The following SATB2 variants were observed in gnomAD, a reference collection of about 807,000 sequenced individuals.
The protein encoded by SATB2 is DNA-binding protein SATB2.
Under a neutral mutation model 73.4 loss-of-function variants are expected in SATB2, and 1 was observed. That is an observed-to-expected ratio of 0.01 (90% CI 0.00 to 0.06). The LOEUF is 0.06. Ranked by LOEUF, SATB2 falls within the 10% of genes least tolerant of loss-of-function variation. The pLI, the probability that SATB2 is intolerant of heterozygous loss-of-function variation, is 1.00. For synonymous variants in SATB2, 397 were observed against 367.0 expected (o/e 1.08, Z -0.93); for missense variants, 459 against 945.8 (o/e 0.49, Z 6.75).
intron 10 of SATB2, among the ~76,000 whole-genome samples, chr2:199,301,862 T>G (rs964791374): frequency 2.0e-5 from 3 of 152,052 alleles, no homozygotes; most frequent in Non-Finnish European, 4.4e-5. Context: ...TGGAAAGAAG[T>G]TGACATGAGA....
At chr2:199,446,658 G>A (rs1438290159) in intron 2 of SATB2, among the ~76,000 whole-genome samples, 1 of 152,146 alleles carries the variant, frequency 6.6e-6, no homozygotes, top group African/African-American at 2.4e-5. Flanking sequence ...ACACTGTTAG[G>A]TTACGCAAAT....
At chr2:199,327,479 G>C (rs1307504911) in intron 8 of SATB2, among the ~76,000 whole-genome samples, 3 of 152,122 alleles carry the variant, frequency 2.0e-5, no homozygotes, top group African/African-American at 7.2e-5. Context: ...TTAAATACTG[G>C]TTTTGAGAAT....
intron 7 of SATB2, among the ~76,000 whole-genome samples, chr2:199,342,756 G>A (rs1261805475): frequency 6.6e-6 from 1 of 152,132 alleles, no homozygotes; most frequent in Non-Finnish European, 1.5e-5. Context: ...TCTGACTCCA[G>A]CAGATGCCAT....
chr2:199,340,363 A>T (rs1002994189), intron 7 of SATB2, among the ~76,000 whole-genome samples: 3 of 152,180 alleles, frequency 2.0e-5, no homozygotes, highest in Non-Finnish European at 4.4e-5. Flanking sequence ...AGCTTTCCCA[A>T]GCAAGGCCTT....
At chr2:199,312,325 T>C (rs570452958) in intron 9 of SATB2, among the ~76,000 whole-genome samples, 8 of 152,326 alleles carry the variant, frequency 5.3e-5, no homozygotes, top group Middle Eastern at 6.8e-3. Context: ...CTGTGGAGTA[T>C]ATGCTTCCCT....
chr2:199,419,163 A>G (rs1309752682), intron 3 of SATB2, among the ~76,000 whole-genome samples: 3 of 152,254 alleles, frequency 2.0e-5, no homozygotes, highest in Non-Finnish European at 4.4e-5. Context: ...GCTTAGGGAC[A>G]CAGGTCCTTT....
rs1692306927 is a variant in SATB2, at chr2:199,457,171, G to T, written c.-60+168C>A. Among the ~76,000 whole-genome samples the T allele has an allele frequency of 6.6e-6, 1 of 152,232 alleles. No individual in the cohort carries two copies. Among genetic ancestry groups the T allele is most frequent in the Non-Finnish European group, 1.5e-5 (1 of 68,034 alleles). On this transcript the variant is annotated intron_variant, in intron 1 of 10. Coordinates refer to ENST00000417098, the MANE Select transcript of SATB2 (RefSeq NM_001172509.2). The surrounding 1 kb of genome is among the most constrained non-coding windows in gnomAD (Gnocchi z 4.8). ...GGGTGGCAGGGGGAGGTGAAAGGAA[G>T]GATGCGAGATGAAGACACGGAGCAG...
chr2:199,374,292 T>C (rs2105857629), intron 5 of SATB2, among the ~76,000 whole-genome samples: 1 of 152,270 alleles, frequency 6.6e-6, no homozygotes, highest in East Asian at 1.9e-4. Context: ...ACACGCTAAG[T>C]AAAGTAAACC....
At chr2:199,330,640 G>A (rs147115925) in intron 7 of SATB2, among the ~76,000 whole-genome samples, 3 of 152,220 alleles carry the variant, frequency 2.0e-5, no homozygotes, top group Non-Finnish European at 4.4e-5. Context: ...TCTAAGTATC[G>A]ACTCTCTGAA....
intron 2 of SATB2, among the ~76,000 whole-genome samples, chr2:199,446,254 G>C (rs1691959047): frequency 6.6e-6 from 1 of 152,114 alleles, no homozygotes; most frequent in African/African-American, 2.4e-5. Context: ...GGGTTTTCTT[G>C]TATACAGGGG....
chr2:199,349,148 A>G lies in SATB2; in HGVS notation c.726T>C (p.Leu242=). ...IKVERVEREN[L]SDYCVLGQRP... ...GCTGGCCCAGAACACAATAGTCTGA[A>G]AGGTTTTCTCGTTCCACTCTTTCCA... Residue 242 remains leucine (L), a synonymous_variant, in exon 7 of 11, where the codon CTT becomes CTC. Coordinates refer to ENST00000417098, the MANE Select transcript of SATB2 (RefSeq NM_001172509.2). 3.7e-6 allele frequency: 6 copies of G among 1,613,716 alleles called. No individual in the cohort carries two copies. The highest frequency in any genetic ancestry group is 5.1e-6 in the Non-Finnish European group (6 of 1,179,834).
At chr2:199,384,350 A>G (rs1388401447) in intron 3 of SATB2, among the ~76,000 whole-genome samples, 1 of 152,232 alleles carries the variant, frequency 6.6e-6, no homozygotes, top group African/African-American at 2.4e-5. Flanking sequence ...GCACAGTCCT[A>G]GAAGTCATGG....
At chr2:199,424,682 T>G (rs1000750884) in intron 3 of SATB2, among the ~76,000 whole-genome samples, 2 of 152,144 alleles carry the variant, frequency 1.3e-5, no homozygotes, top group African/African-American at 4.8e-5. Flanking sequence ...AAGATTCAGA[T>G]GATGAGAAAT....
chr2:199,309,747 G>A (rs755953063), intron 9 of SATB2, among the ~76,000 whole-genome samples: 2 of 152,184 alleles, frequency 1.3e-5, no homozygotes, highest in Admixed American at 6.5e-5. Context: ...TATTTTACCA[G>A]TAGCTTTCTA....
intron 6 of SATB2, among the ~76,000 whole-genome samples, chr2:199,354,380 C>T (rs1485670192): frequency 6.6e-6 from 1 of 151,908 alleles, no homozygotes; most frequent in African/African-American, 2.4e-5. Flanking sequence ...AAATAAATAA[C>T]TCACAACTGC....
chr2:199,379,365 A>G (rs1463198845), intron 5 of SATB2, among the ~76,000 whole-genome samples: 1 of 152,226 alleles, frequency 6.6e-6, no homozygotes, highest in Non-Finnish European at 1.5e-5. Flanking sequence ...CTACAAATGT[A>G]TATGATGTAA....
chr2:199,343,469 T>C (rs1688564407), intron 7 of SATB2, among the ~76,000 whole-genome samples: 1 of 152,234 alleles, frequency 6.6e-6, no homozygotes, highest in Non-Finnish European at 1.5e-5. Context: ...GGAAAATCTA[T>C]GGTTGGTTTC....
intron 3 of SATB2, among the ~76,000 whole-genome samples, chr2:199,405,492 G>A (rs1690603778): frequency 6.6e-6 from 1 of 152,072 alleles, no homozygotes; most frequent in Non-Finnish European, 1.5e-5. Context: ...GCTGACCCAG[G>A]GAAATACAAG....
intron 10 of SATB2, among the ~76,000 whole-genome samples, chr2:199,300,767 A>G (rs751557473): frequency 4.6e-5 from 7 of 152,168 alleles, no homozygotes; most frequent in African/African-American, 1.2e-4. Flanking sequence ...TATTATTTAA[A>G]GAAACATAGC....
Sources: allele counts gnomAD v4.1 joint callset (sites outside exome capture counted in the v4.1 genomes callset), GRCh38; gene constraint gnomAD v4.1.1; non-coding constraint Gnocchi (gnomAD v3.1); transcripts MANE v1.5; gene names NCBI Gene and HGNC (gene_info 2026-07-23, HGNC 2026-07-21).